Variants in AGMO observed in about 807,000 individuals in gnomAD.
AGMO encodes glyceryl-ether monooxygenase.
In AGMO, 75 loss-of-function variants were observed where a neutral mutation model predicts 60.2. The ratio of observed to expected loss-of-function variants is 1.25; its 90% CI spans 1.03 to 1.51. The LOEUF is 1.51. AGMO is among the 40% of genes most tolerant of loss of function. The pLI, the probability that AGMO is intolerant of heterozygous loss-of-function variation, is 0.00. For synonymous variants in AGMO, 261 were observed against 177.1 expected (o/e 1.47, Z -3.76); for missense variants, 763 against 525.5 (o/e 1.45, Z -4.42).
intron 3 of AGMO, among the ~76,000 whole-genome samples, chr7:15,529,632 GAATA>G (rs1562554899): frequency 0.011 from 32 of 2,994 alleles, 1 homozygote; most frequent in African/African-American, 0.084. Context: ...TATATATATA[GAATA>G]TATATATATA....
chr7:15,384,817 C>CTTTTTTTTTT (rs71953359), intron 10 of AGMO, among the ~76,000 whole-genome samples: 1 of 121,310 alleles, frequency 8.2e-6, no homozygotes, highest in Non-Finnish European at 1.7e-5. Flanking sequence ...CTGTTTTTCT[C>CTTTTTTTTTT]TTTTTTTTTT....
intron 12 of AGMO, among the ~76,000 whole-genome samples, chr7:15,295,527 C>T (rs1385967858): frequency 6.6e-6 from 1 of 151,994 alleles, no homozygotes; most frequent in Non-Finnish European, 1.5e-5. Flanking sequence ...CAGACTGTAG[C>T]TTCCAATTAA....
chr7:15,181,817 T>G, the AGMO span, among the ~76,000 whole-genome samples: 1 of 152,134 alleles, frequency 6.6e-6, no homozygotes, highest in East Asian at 1.9e-4. Flanking sequence ...TGATTGATAG[T>G]GGGTGACATA....
chr7:15,248,222 A>ATATATATCTATCTATC (rs1554401294), intron 12 of AGMO, among the ~76,000 whole-genome samples: 2 of 104,210 alleles, frequency 1.9e-5, no homozygotes, highest in African/African-American at 7.3e-5. Context: ...ATATATATAT[A>ATATATATCTATCTATC]TATCTTCATC....
At chr7:15,171,289 C>T in the AGMO span, among the ~76,000 whole-genome samples, 14 of 152,112 alleles carry the variant, frequency 9.2e-5, no homozygotes, top group African/African-American at 1.7e-4. Flanking sequence ...CCTTGGGTTA[C>T]GGTTTATGGC....
At chr7:15,336,755 T>C (rs146153141) in intron 12 of AGMO, among the ~76,000 whole-genome samples, 1 of 152,306 alleles carries the variant, frequency 6.6e-6, no homozygotes, top group Admixed American at 6.5e-5. Context: ...TCAACATGGC[T>C]AGTCTTAGGT....
intron 3 of AGMO, among the ~76,000 whole-genome samples, chr7:15,506,475 A>G (rs928059075): frequency 3.9e-5 from 6 of 152,030 alleles, no homozygotes; most frequent in African/African-American, 7.2e-5. Flanking sequence ...ATACATCGGC[A>G]TTATTCCTGG....
chr7:15,140,866 C>T, the AGMO span, among the ~76,000 whole-genome samples: 1 of 151,756 alleles, frequency 6.6e-6, no homozygotes, highest in East Asian at 1.9e-4. Context: ...ATCTGTAATC[C>T]TCAGGGCCCT....
At chr7:15,465,610 T>C (rs1782263812) in intron 3 of AGMO, among the ~76,000 whole-genome samples, 1 of 148,018 alleles carries the variant, frequency 6.8e-6, no homozygotes, top group Non-Finnish European at 1.5e-5. Flanking sequence ...TATTTATATA[T>C]ATATATGATT....
intron 12 of AGMO, among the ~76,000 whole-genome samples, chr7:15,271,151 G>C (rs1053677744): frequency 1.3e-5 from 2 of 152,028 alleles, no homozygotes; most frequent in Admixed American, 6.6e-5. Context: ...TGGCTATTTT[G>C]GCTCTGTTTG....
At chr7:15,403,535 G>T (rs1240664688) in intron 5 of AGMO, among the ~76,000 whole-genome samples, 1 of 151,812 alleles carries the variant, frequency 6.6e-6, no homozygotes, top group Non-Finnish European at 1.5e-5. Flanking sequence ...AGCATTTATT[G>T]TTTGAATATA....
intron 12 of AGMO, among the ~76,000 whole-genome samples, chr7:15,348,994 A>G (rs1782133203): frequency 1.3e-5 from 2 of 152,128 alleles, no homozygotes; most frequent in South Asian, 2.1e-4. Context: ...CTTATTATAA[A>G]CCACTAATGT....
intron 5 of AGMO, among the ~76,000 whole-genome samples, chr7:15,402,229 C>T (rs1282620622): frequency 6.6e-6 from 1 of 152,036 alleles, no homozygotes; most frequent in Non-Finnish European, 1.5e-5. Flanking sequence ...ACCATAATTA[C>T]TTGGCTTTTT....
At chr7:15,259,020 A>G (rs1783189478) in intron 12 of AGMO, among the ~76,000 whole-genome samples, 1 of 152,028 alleles carries the variant, frequency 6.6e-6, no homozygotes, top group Admixed American at 6.6e-5. Flanking sequence ...CCCCCAAAAG[A>G]TCATCTCAGC....
chr7:15,549,144 C>T (rs1203637043), intron 2 of AGMO, among the ~76,000 whole-genome samples: 1 of 145,864 alleles, frequency 6.9e-6, no homozygotes, highest in East Asian at 2.0e-4. Context: ...CCAGGCCTGC[C>T]CTAAAAGAGC....
intron 12 of AGMO, among the ~76,000 whole-genome samples, chr7:15,224,578 C>T (rs568134639): frequency 2.5e-4 from 38 of 152,072 alleles, no homozygotes; most frequent in African/African-American, 8.4e-4. Flanking sequence ...GTTGTTTAAG[C>T]CATCTCATCT....
intron 5 of AGMO, among the ~76,000 whole-genome samples, chr7:15,399,486 T>G (rs12112198): frequency 0.059 from 9,016 of 152,272 alleles, 388 homozygotes; most frequent in African/African-American, 0.12. Context: ...AAACATTTTT[T>G]GGGGCACATT....
chr7:15,441,460 T>A (rs1047399771), intron 3 of AGMO, among the ~76,000 whole-genome samples: 1 of 152,210 alleles, frequency 6.6e-6, no homozygotes, highest in African/African-American at 2.4e-5. Context: ...GATTTTATCA[T>A]GCTTAAATAC....
chr7:15,411,151 G>A (rs2128492372), intron 5 of AGMO, among the ~76,000 whole-genome samples: 1 of 152,058 alleles, frequency 6.6e-6, no homozygotes, highest in East Asian at 1.9e-4. Flanking sequence ...CGTATTGCAT[G>A]ATTGCTTGCC....
Sources: allele counts gnomAD v4.1 joint callset (sites outside exome capture counted in the v4.1 genomes callset), GRCh38; gene constraint gnomAD v4.1.1; transcripts MANE v1.5; gene names NCBI Gene and HGNC (gene_info 2026-07-23, HGNC 2026-07-21).